Variants in GPR89A observed in about 807,000 individuals in gnomAD.
GPR89A encodes the protein G protein-coupled receptor 89A.
GPR89A carries 16 observed loss-of-function variants against 52.0 expected under a neutral mutation model. The observed-to-expected ratio is 0.31, with a 90% CI of 0.21 to 0.47. The LOEUF (loss-of-function observed/expected upper bound fraction) is 0.47. GPR89A is among the 20% of genes least tolerant of loss of function. GPR89A has a pLI of 1.00. For synonymous variants in GPR89A, 55 were observed against 150.9 expected (o/e 0.36, Z 4.66); for missense variants, 135 against 449.4 (o/e 0.30, Z 6.33).
chr1:145,632,551 A>T (rs1649952271), intron 7 of GPR89A, among the ~76,000 whole-genome samples: 1 of 152,224 alleles, frequency 6.6e-6, no homozygotes, highest in South Asian at 2.1e-4. Flanking sequence ...CTCCAGTTAC[A>T]TTCAAGTTGT....
At position 145,665,644 on chromosome 1, in the gene GPR89A, T is replaced by G. The variant is rs1553696326; in HGVS notation, c.1088T>G (p.Leu363Arg). ...TCCATCAGAGGATTGCTGATCACTCTTACCAAGGTATGTTTTATCACAGTG... is the reference window on the plus strand; with the variant it reads ...TCCATCAGAGGATTGCTGATCACTCGTACCAAGGTATGTTTTATCACAGTG... ...VTSIRGLLIT[L>R]TKFFYAISSS... Residue 363 changes from leucine to arginine, a missense_variant, in exon 12 of 14, where the codon CTT becomes CGT. Leu to Arg is a moderately radical substitution (Grantham distance 102, BLOSUM62 -2). Transcript: ENST00000313835. 1 of 1,348,792 alleles carries G rather than the reference T, an allele frequency of 7.4e-7. No individual in the cohort carries two copies. The highest frequency in any genetic ancestry group is 1.1e-6 in the Non-Finnish European group (1 of 942,988). The allele number at this position is 1,348,792 out of a possible 1,614,324, so 83.6% of individuals were successfully genotyped here. A position where few individuals can be genotyped will look rare whatever the true frequency, so the allele number is the denominator to read the frequency against.
intron 5 of GPR89A, among the ~76,000 whole-genome samples, chr1:145,629,346 A>T (rs1649739001): frequency 6.6e-6 from 1 of 152,154 alleles, no homozygotes; most frequent in Non-Finnish European, 1.5e-5. Context: ...TTTTGCAACC[A>T]GGAGAAAATT....
At chr1:145,611,179 T>G (rs1162267574) in intron 1 of GPR89A, among the ~76,000 whole-genome samples, 1 of 149,832 alleles carries the variant, frequency 6.7e-6, no homozygotes, top group Non-Finnish European at 1.5e-5. Context: ...TGTGTGTGTG[T>G]GTAGTTTAAG....
At chr1:145,616,615 C>T (rs1328798947) in intron 2 of GPR89A, among the ~76,000 whole-genome samples, 3 of 152,152 alleles carry the variant, frequency 2.0e-5, no homozygotes, top group Non-Finnish European at 2.9e-5. Context: ...ATTTGTCTAT[C>T]TGGCCCTGAA....
intron 3 of GPR89A, among the ~76,000 whole-genome samples, chr1:145,621,208 AC>A (rs1350641249): frequency 6.6e-6 from 1 of 150,960 alleles, no homozygotes; most frequent in African/African-American, 2.4e-5. Flanking sequence ...TGTTGATGAC[AC>A]TGTTAATTGC....
chr1:145,608,400 C>T (rs1647981202), intron 1 of GPR89A: 1 of 845,552 alleles, frequency 1.2e-6, no homozygotes. Context: ...ACCCGGCATC[C>T]ATCCCCGGAA....
intron 10 of GPR89A, among the ~76,000 whole-genome samples, chr1:145,657,312 G>C (rs1308341229): frequency 6.8e-6 from 1 of 147,840 alleles, no homozygotes; most frequent in Non-Finnish European, 1.5e-5. Flanking sequence ...GATCGCTTGA[G>C]CCCAGAAGTC....
chr1:145,667,048 G>A (rs1553696588), intron 12 of GPR89A, among the ~76,000 whole-genome samples: 4 of 152,100 alleles, frequency 2.6e-5, no homozygotes, highest in African/African-American at 7.2e-5. Flanking sequence ...ATAAACATAC[G>A]TGTGCATGTG....
At position 145,663,378 on chromosome 1, in the gene GPR89A, CAA is replaced by C. The variant is rs1553695946; in HGVS notation, c.960_961del (p.Gly322HisfsTer2). ...CGAGTTGGGAAAACGGATCCTGTCA[CAA>C]GAGGCATTGAGATCACTGTGAATTA... is the stretch of plus-strand genomic sequence containing the variant. On this transcript the variant is annotated frameshift_variant, in exon 11 of 14. Transcript: ENST00000313835. LOFTEE classifies it high-confidence loss of function. 1.9e-6 allele frequency: 3 copies of C among 1,610,786 alleles called. No individual in the cohort carries two copies. Among genetic ancestry groups the C allele is most frequent in the Non-Finnish European group, 2.5e-6 (3 of 1,179,190 alleles).
intron 1 of GPR89A, among the ~76,000 whole-genome samples, chr1:145,610,819 C>A (rs1296791861): frequency 1.3e-5 from 2 of 152,004 alleles, no homozygotes; most frequent in Non-Finnish European, 2.9e-5. Flanking sequence ...ATAGTTAATT[C>A]TTTAATAACT....
chr1:145,617,473 G>A (rs1648795630), intron 2 of GPR89A, among the ~76,000 whole-genome samples: 4 of 151,706 alleles, frequency 2.6e-5, no homozygotes, highest in Admixed American at 2.0e-4. Context: ...AGTTTACAAA[G>A]ATGACGGGAT....
intron 7 of GPR89A, among the ~76,000 whole-genome samples, chr1:145,636,616 T>C (rs1222486941): frequency 2.6e-5 from 4 of 152,098 alleles, no homozygotes; most frequent in Non-Finnish European, 4.4e-5. Flanking sequence ...GAGGAAGAAA[T>C]ATATTCACTA....
chr1:145,629,936 C>A (rs1307713060), intron 5 of GPR89A, among the ~76,000 whole-genome samples: 3 of 152,208 alleles, frequency 2.0e-5, no homozygotes, highest in African/African-American at 7.2e-5. Context: ...GTAGTGAATT[C>A]TATCCTAGAA....
chr1:145,664,424 CAG>C (rs1293315049), intron 11 of GPR89A, among the ~76,000 whole-genome samples: 1 of 152,098 alleles, frequency 6.6e-6, no homozygotes, highest in Non-Finnish European at 1.5e-5. Flanking sequence ...GAGGTCGAGA[CAG>C]ATCACTTGAG....
At chr1:145,645,921 A>G in intron 8 of GPR89A, 2 of 575,562 alleles carry the variant, frequency 3.5e-6, no homozygotes, top group Non-Finnish European at 6.2e-6. Flanking sequence ...TCAAAAAACA[A>G]ATGAAACCAT....
chr1:145,622,912 A>G (rs1649235045), intron 3 of GPR89A, 142 bp from the exon 4 acceptor site: 2 of 1,301,230 alleles, frequency 1.5e-6, no homozygotes, highest in South Asian at 3.2e-5. Context: ...AAATGAGTAG[A>G]TTTTAAGAGC....
intron 1 of GPR89A, among the ~76,000 whole-genome samples, chr1:145,612,831 A>G (rs1432002825): frequency 6.6e-6 from 1 of 151,886 alleles, no homozygotes; most frequent in Non-Finnish European, 1.5e-5. Flanking sequence ...CCTATTATCT[A>G]ATGTTTTCTT....
At chr1:145,609,163 A>G (rs1464997560) in intron 1 of GPR89A, among the ~76,000 whole-genome samples, 8 of 152,126 alleles carry the variant, frequency 5.3e-5, no homozygotes, top group East Asian at 3.9e-4. Flanking sequence ...GGTTGTTTTT[A>G]CTTGTTCTTT....
At chr1:145,615,759 G>A (rs1360768619) in intron 1 of GPR89A, among the ~76,000 whole-genome samples, 5 of 150,100 alleles carry the variant, frequency 3.3e-5, no homozygotes, top group African/African-American at 1.2e-4. Flanking sequence ...TGGAGTAGCT[G>A]GGAATACAGG....
Sources: gnomAD v4.1 joint callset for allele counts (sites outside exome capture counted in the v4.1 genomes callset) on GRCh38, gnomAD v4.1.1 for gene constraint, MANE v1.5 for transcripts, NCBI Gene and HGNC (gene_info 2026-07-23, HGNC 2026-07-21) for gene names.